CCDC7: variants seen among roughly 807,000 people sequenced by gnomAD.
CCDC7 encodes coiled-coil domain-containing protein 7.
In CCDC7, 183 loss-of-function variants were observed where a neutral mutation model predicts 196.9. The ratio of observed to expected loss-of-function variants is 0.93; its 90% CI spans 0.82 to 1.05. The LOEUF (loss-of-function observed/expected upper bound fraction) is 1.05, where lower values mean the gene tolerates loss of function less well. Ranked by LOEUF, CCDC7 falls within the 50% of genes least tolerant of loss-of-function variation. The probability of loss-of-function intolerance (pLI) is 0.00; values close to 1 mark genes in which losing one functional copy is unlikely to be tolerated. For missense variants in CCDC7, 1,540 were observed against 1,482.2 expected (o/e 1.04, Z -0.64); for synonymous variants, 525 against 484.6 (o/e 1.08, Z -1.10).
intron 41 of CCDC7, among the ~76,000 whole-genome samples, chr10:32,865,333 A>G (rs971257465): frequency 2.0e-5 from 3 of 151,698 alleles, no homozygotes; most frequent in Non-Finnish European, 4.4e-5. Context: ...ATGAAAATGC[A>G]TGTAAACAGT....
chr10:32,516,197 G>T (rs1184896988), intron 9 of CCDC7, among the ~76,000 whole-genome samples: 1 of 151,822 alleles, frequency 6.6e-6, no homozygotes, highest in Non-Finnish European at 1.5e-5. Context: ...TTAAAAATAG[G>T]CAAAGGATCT....
chr10:32,540,222 G>A (rs554998608), intron 11 of CCDC7, among the ~76,000 whole-genome samples: 1 of 152,270 alleles, frequency 6.6e-6, no homozygotes, highest in African/African-American at 2.4e-5. Flanking sequence ...GTGTGTATAT[G>A]TTTAGAATAG....
chr10:32,712,501 G>T (rs910987813), intron 25 of CCDC7, among the ~76,000 whole-genome samples: 3 of 152,152 alleles, frequency 2.0e-5, no homozygotes, highest in Non-Finnish European at 4.4e-5. Context: ...TTTGGGTAGT[G>T]TCCTTGTCTG....
intron 23 of CCDC7, among the ~76,000 whole-genome samples, chr10:32,692,374 A>G (rs1339418039): frequency 6.6e-6 from 1 of 152,248 alleles, no homozygotes; most frequent in Non-Finnish European, 1.5e-5. Context: ...TAAAGAGACT[A>G]TTGTTCCATG....
chr10:32,683,032 C>T (rs1409635497), intron 21 of CCDC7, among the ~76,000 whole-genome samples: 1 of 152,132 alleles, frequency 6.6e-6, no homozygotes, highest in East Asian at 1.9e-4. Context: ...GTTTTTATTG[C>T]AGTGGCTTTT....
At chr10:32,681,406 A>G (rs973696321) in intron 21 of CCDC7, among the ~76,000 whole-genome samples, 2 of 152,162 alleles carry the variant, frequency 1.3e-5, no homozygotes, top group African/African-American at 4.8e-5. Context: ...TGACTGAACA[A>G]TACAGTCATT....
intron 28 of CCDC7, among the ~76,000 whole-genome samples, chr10:32,773,918 T>C (rs1206217782): frequency 6.6e-6 from 1 of 152,312 alleles, no homozygotes; most frequent in South Asian, 2.1e-4. Context: ...AATAAATCAC[T>C]GCCCTGTTGT....
rs546734168 is a variant in CCDC7, at chr10:32,779,569, G to A, written c.3013+485G>A. The stretch of plus-strand genomic sequence containing the variant: ...ATGTGGAAGAAGCTAGAATATGTGT[G>A]AAAGGTAGTGGTAGTGTGGTTAAGT... On this transcript the variant is annotated intron_variant, in intron 29 of 41. Coordinates refer to ENST00000639629, the Ensembl canonical transcript of CCDC7. Among the ~76,000 whole-genome samples, 8 of 152,330 alleles carry A rather than the reference G, an allele frequency of 5.3e-5. No homozygotes were observed. In the South Asian group the frequency reaches 1.7e-3, roughly 32 times the overall value.
intron 23 of CCDC7, 31 bp from the exon 25 acceptor site, chr10:32,694,848 A>G: frequency 7.5e-7 from 1 of 1,334,626 alleles, no homozygotes; most frequent in East Asian, 2.4e-5. Flanking sequence ...CTGTTTTTCC[A>G]TTAAGAGACT....
chr10:32,533,897 T>G (rs2151363), intron 11 of CCDC7, among the ~76,000 whole-genome samples: 140,387 of 152,108 alleles, frequency 0.92, 65,783 homozygotes, highest in East Asian at 1. Context: ...GGTTGAATCT[T>G]TTTGGTGTTC....
intron 23 of CCDC7, 131 bp downstream of exon 24, chr10:32,689,294 A>G (rs1224245707): frequency 6.7e-6 from 4 of 596,978 alleles, no homozygotes; most frequent in Non-Finnish European, 1.2e-5. Flanking sequence ...TAAAGAAAAA[A>G]GTGAAAAATA....
intron 18 of CCDC7, among the ~76,000 whole-genome samples, chr10:32,632,786 T>C (rs931611332): frequency 4.6e-5 from 7 of 152,182 alleles, no homozygotes; most frequent in Non-Finnish European, 1.0e-4. Context: ...TGTCAGTTCA[T>C]ATAGATTGAA....
chr10:32,793,973 T>G (rs960842832), intron 29 of CCDC7, among the ~76,000 whole-genome samples: 1 of 152,186 alleles, frequency 6.6e-6, no homozygotes, highest in Non-Finnish European at 1.5e-5. Context: ...TTTTCTACTT[T>G]TATATTAGGT....
chr10:32,758,126 A>G (rs1298894170), intron 28 of CCDC7, among the ~76,000 whole-genome samples: 1 of 152,198 alleles, frequency 6.6e-6, no homozygotes, highest in Non-Finnish European at 1.5e-5. Flanking sequence ...CCAACCAAAA[A>G]AAGTCCAGGA....
chr10:32,678,525 G>T lies in CCDC7; in HGVS notation c.2123-7445G>T, dbSNP rs553337084. Among the ~76,000 whole-genome samples, 3 of 152,222 alleles carry T rather than the reference G, an allele frequency of 2.0e-5. No homozygotes were observed. In the South Asian group the frequency reaches 6.2e-4, roughly 32 times the overall value. On this transcript the variant is annotated intron_variant, in intron 21 of 41. Transcript: ENST00000639629. ...GCTGTGATTTGTGTGTCAGCTATTG[G>T]ATCCATACTGTTTCTTGAGAGCTTC... is the stretch of plus-strand genomic sequence containing the variant.
chr10:32,693,954 GTGAA>G, intron 23 of CCDC7, among the ~76,000 whole-genome samples: 1 of 152,250 alleles, frequency 6.6e-6, no homozygotes, highest in South Asian at 2.1e-4. Context: ...TGCAAAACAT[GTGAA>G]TGAATGAATG....
At chr10:32,573,796 A>G (rs1037789587) in intron 16 of CCDC7, among the ~76,000 whole-genome samples, 4 of 152,294 alleles carry the variant, frequency 2.6e-5, no homozygotes, top group African/African-American at 9.6e-5. Flanking sequence ...ATTTCAATTC[A>G]GTTTAGCTCT....
upstream of CCDC7, among the ~76,000 whole-genome samples, chr10:32,448,037 A>G (rs2031888012): frequency 6.6e-6 from 1 of 152,302 alleles, no homozygotes; most frequent in South Asian, 2.1e-4. Flanking sequence ...TTTAGTGACA[A>G]GTTATTTTTG....
intron 5 of CCDC7, among the ~76,000 whole-genome samples, chr10:32,466,371 C>T (rs1205692231): frequency 6.6e-6 from 1 of 151,380 alleles, no homozygotes; most frequent in Non-Finnish European, 1.5e-5. Context: ...TCATCACCCA[C>T]ATATTAAGCC....
Sources: gnomAD v4.1 joint callset for allele counts (sites outside exome capture counted in the v4.1 genomes callset) on GRCh38, gnomAD v4.1.1 for gene constraint, MANE v1.5 for transcripts, NCBI Gene and HGNC (gene_info 2026-07-23, HGNC 2026-07-21) for gene names.